The following GPR37 variants were observed in gnomAD, a reference collection of about 807,000 sequenced individuals.
The protein encoded by GPR37 is G protein-coupled receptor 37.
GPR37 carries 20 observed loss-of-function variants against 43.6 expected under a neutral mutation model. The observed-to-expected ratio is 0.46, with a 90% CI of 0.32 to 0.67. The LOEUF is 0.67. Ranked by LOEUF, GPR37 falls within the 30% of genes least tolerant of loss-of-function variation. GPR37 has a pLI of 0.03. For missense variants in GPR37, 724 were observed against 797.2 expected (o/e 0.91, Z 1.11); for synonymous variants, 315 against 322.6 (o/e 0.98, Z 0.25).
chr7:124,745,053 G>C lies in GPR37; in HGVS notation c.*1472C>G, dbSNP rs938019524. ...ACCCCTTTGAAAAGTATTGGACTGG[G>C]AAAAAGGAGATAGCCTGGGCACTGC... On this transcript the variant is annotated 3_prime_UTR_variant, in exon 2 of 2. Coordinates refer to ENST00000303921, the MANE Select transcript of GPR37 (RefSeq NM_005302.5). The C allele has an allele frequency of 6.6e-6, 1 of 152,138 alleles. No individual in the cohort carries two copies. Among genetic ancestry groups the C allele is most frequent in the African/African-American group, 2.4e-5 (1 of 41,446 alleles). The allele number at this position is 152,138 out of a possible 1,614,324, so 9.4% of individuals were successfully genotyped here.
intron 1 of GPR37, among the ~76,000 whole-genome samples, chr7:124,759,901 T>C (rs1166772781): frequency 6.6e-6 from 1 of 152,190 alleles, no homozygotes; most frequent in Admixed American, 6.5e-5. Flanking sequence ...AAGTACCTCA[T>C]ATTTTTCTAC....
chr7:124,747,455 T>TGAGA (rs765085676), intron 1 of GPR37, 112 bp from the exon 2 acceptor site: 1 of 663,260 alleles, frequency 1.5e-6, no homozygotes, highest in Non-Finnish European at 2.5e-6. Context: ...TAAATAAAAA[T>TGAGA]GAGAGAGAGA....
At chr7:124,759,506 T>C (rs1793829057) in intron 1 of GPR37, among the ~76,000 whole-genome samples, 1 of 152,208 alleles carries the variant, frequency 6.6e-6, no homozygotes, top group Non-Finnish European at 1.5e-5. Context: ...GCACACTACA[T>C]ATACAAGTTT....
intron 1 of GPR37, among the ~76,000 whole-genome samples, chr7:124,751,086 G>C (rs1277997058): frequency 6.6e-6 from 1 of 152,064 alleles, no homozygotes; most frequent in Non-Finnish European, 1.5e-5. Flanking sequence ...CCAGGCTTCT[G>C]TTTTCAAATT....
At chr7:124,754,953 G>A (rs1010322175) in intron 1 of GPR37, among the ~76,000 whole-genome samples, 1 of 152,058 alleles carries the variant, frequency 6.6e-6, no homozygotes, top group Non-Finnish European at 1.5e-5. Flanking sequence ...AGCACAAGTG[G>A]GGGAACAAGT....
intron 1 of GPR37, among the ~76,000 whole-genome samples, chr7:124,761,322 A>T (rs1793848562): frequency 6.6e-6 from 1 of 152,168 alleles, no homozygotes; most frequent in African/African-American, 2.4e-5. Context: ...TTGACCAAAG[A>T]GATCCACCCA....
chr7:124,745,374 G>T lies in GPR37; in HGVS notation c.*1151C>A, dbSNP rs898571610. Among the ~76,000 whole-genome samples the T allele has an allele frequency of 6.6e-6, 1 of 152,126 alleles. No individual in the cohort carries two copies. The highest frequency in any genetic ancestry group is 2.1e-4 in the South Asian group (1 of 4,836). On this transcript the variant is annotated 3_prime_UTR_variant, in exon 2 of 2. Coordinates refer to ENST00000303921, the MANE Select transcript of GPR37 (RefSeq NM_005302.5). ...ACAGCAAGCATCCTACACAACTGCT[G>T]CATTTTAAACTCCAGAAGAGGCAAA... is the stretch of plus-strand genomic sequence containing the variant.
chr7:124,752,877 G>A (rs953652637), intron 1 of GPR37, among the ~76,000 whole-genome samples: 1 of 151,918 alleles, frequency 6.6e-6, no homozygotes, highest in African/African-American at 2.4e-5. Context: ...TACAAGGATG[G>A]TACAAAAAGG....
intron 1 of GPR37, among the ~76,000 whole-genome samples, chr7:124,752,023 G>C (rs1793740187): frequency 6.6e-6 from 1 of 152,128 alleles, no homozygotes; most frequent in Admixed American, 6.6e-5. Flanking sequence ...TTAGAATACA[G>C]AGATGGAAAG....
chr7:124,747,467 A>T (rs545602364), intron 1 of GPR37, 124 bp from the exon 2 acceptor site: 78 of 647,820 alleles, frequency 1.2e-4, no homozygotes, highest in Non-Finnish European at 1.8e-4. Context: ...AGAGAGAGAG[A>T]GAGAACAGTT....
In GPR37 at chr7:124,764,376, C is replaced by A. The variant is rs1257956705; in HGVS notation, c.601G>T (p.Ala201Ser). The A allele has an allele frequency of 6.2e-7, 1 of 1,613,756 alleles. No homozygotes were observed. Among genetic ancestry groups the A allele is most frequent in the East Asian group, 2.2e-5 (1 of 44,866 alleles). The part of the protein sequence containing the change: ...GSHHKPLSKT[A>S]NGLAGHEGWT... ...CCTTCGTGCCCCGCCAGTCCATTGG[C>A]CGTCTTGGACAGGGGCTTGTGGTGG... The change falls in exon 1 of 2, where the codon GCC becomes TCC. Residue 201 changes from alanine (A) to serine (S), a missense_variant. By Grantham distance (99) the Ala-to-Ser change is moderately conservative (BLOSUM62 1). Around this residue, in one of 2 missense-constraint regions of GPR37, gnomAD observed 382 missense variants for 355.4 expected, o/e 1.07. Coordinates refer to ENST00000303921, the MANE Select transcript of GPR37 (RefSeq NM_005302.5). This position sits in a 1 kb window ranked among gnomAD's most constrained non-coding sequence, Gnocchi z 5.4.
chr7:124,759,631 T>G (rs757668017), intron 1 of GPR37, among the ~76,000 whole-genome samples: 1 of 152,234 alleles, frequency 6.6e-6, no homozygotes, highest in Non-Finnish European at 1.5e-5. Flanking sequence ...TGGCATTTCC[T>G]ACCATTTCAT....
Position 124,746,443 on chromosome 7 carries a change from C to T in GPR37, c.*82G>A. On this transcript the variant is annotated 3_prime_UTR_variant, in exon 2 of 2. Coordinates refer to ENST00000303921, the MANE Select transcript of GPR37 (RefSeq NM_005302.5). ...TATTGTTTCTTTTTTGCATTTTTCC[C>T]TATAAGGAAAAATATGAATTAAAAA... The T allele has an allele frequency of 2.9e-6, 3 of 1,025,438 alleles. No homozygotes were observed. The highest frequency in any genetic ancestry group is 4.2e-6 in the Non-Finnish European group (3 of 714,564). 63.5% of individuals were successfully genotyped at this position (1,025,438 alleles called of 1,614,324 possible).
Position 124,764,474 on chromosome 7 carries a change from T to G in GPR37, c.503A>C (p.Gln168Pro), listed in dbSNP as rs1793890858. Residue 168 changes from glutamine to proline, a missense_variant, in exon 1 of 2, where the codon CAG (glutamine) becomes CCG (proline). Gln to Pro is a moderately conservative substitution (Grantham distance 76). Coordinates refer to ENST00000303921, the MANE Select transcript of GPR37 (RefSeq NM_005302.5). The surrounding 1 kb of genome is among the most constrained non-coding windows in gnomAD (Gnocchi z 5.4). ...GAGISGRSQE[Q>P]SVKTVPGASD... Reference sequence around the variant, plus strand: ...GGCTCCGGGGACTGTCTTCACACTCTGCTCCTGGCTACGCCCGGAAATGCC... The same window carrying G: ...GGCTCCGGGGACTGTCTTCACACTCGGCTCCTGGCTACGCCCGGAAATGCC... The G allele has an allele frequency of 1.2e-6, 2 of 1,613,702 alleles. No individual in the cohort carries two copies. The highest frequency in any genetic ancestry group is 1.7e-6 in the Non-Finnish European group (2 of 1,180,042).
intron 1 of GPR37, among the ~76,000 whole-genome samples, chr7:124,750,899 C>T (rs1793722851): frequency 6.6e-6 from 1 of 152,094 alleles, no homozygotes; most frequent in Non-Finnish European, 1.5e-5. Flanking sequence ...TCCAACTTAT[C>T]ATCAGGAATT....
chr7:124,756,051 G>A (rs1020619548), intron 1 of GPR37, among the ~76,000 whole-genome samples: 1 of 152,082 alleles, frequency 6.6e-6, no homozygotes, highest in African/African-American at 2.4e-5. Flanking sequence ...TTCACTATTG[G>A]TAGTCTGTTA....
rs1793881019 is a variant in GPR37, at chr7:124,763,995, G to A, written c.982C>T (p.Leu328=). Residue 328 remains leucine (L), a synonymous_variant, in exon 1 of 2, where the codon CTG becomes TTG. Coordinates refer to ENST00000303921, the MANE Select transcript of GPR37 (RefSeq NM_005302.5). ...VIFHELTKKW[L]LEDFSCKIVP... is the part of the protein sequence containing the mutation. The stretch of plus-strand genomic sequence containing the variant: ...ATCTTGCAGGAGAAGTCCTCCAGCA[G>A]CCACTTCTTGGTCAGCTCGTGGAAG... 1 of 1,614,104 alleles carries A rather than the reference G, an allele frequency of 6.2e-7. No individual in the cohort carries two copies. The highest frequency in any genetic ancestry group is 8.5e-7 in the Non-Finnish European group (1 of 1,180,028).
At chr7:124,749,518 A>T (rs1458221038) in intron 1 of GPR37, among the ~76,000 whole-genome samples, 1 of 152,150 alleles carries the variant, frequency 6.6e-6, no homozygotes, top group Non-Finnish European at 1.5e-5. Flanking sequence ...TACTCAAAAC[A>T]TTAGTTGTTT....
At position 124,763,973 on chromosome 7, in the gene GPR37, T is replaced by C; in HGVS notation, c.1004A>G (p.Lys335Arg). ...CATTACCTCTATATAGGGCACGATC[T>C]TGCAGGAGAAGTCCTCCAGCAGCCA... ...KKWLLEDFSC[K>R]IVPYIEVASL... Residue 335 changes from lysine (K) to arginine (R), a missense_variant, in exon 1 of 2, where the codon AAG becomes AGG. Around this residue, in one of 2 missense-constraint regions of GPR37, gnomAD observed 342 missense variants for 441.8 expected, o/e 0.77. Transcript: ENST00000303921. 6.2e-7 allele frequency: 1 copy of C among 1,614,008 alleles called. No homozygotes were observed. Among genetic ancestry groups the C allele is most frequent in the Non-Finnish European group, 8.5e-7 (1 of 1,180,008 alleles).
Sources: allele counts gnomAD v4.1 joint callset (sites outside exome capture counted in the v4.1 genomes callset), GRCh38; gene constraint gnomAD v4.1.1; regional missense constraint gnomAD v4.1.1; non-coding constraint Gnocchi (gnomAD v3.1); transcripts MANE v1.5; gene names NCBI Gene and HGNC (gene_info 2026-07-23, HGNC 2026-07-21).